TBC1D14: variants seen among roughly 807,000 people sequenced by gnomAD.
TBC1D14 encodes TBC1 domain family, member 14.
In TBC1D14, 26 loss-of-function variants were observed where a neutral mutation model predicts 79.0. The ratio of observed to expected loss-of-function variants is 0.33; its 90% confidence interval spans 0.24 to 0.46. TBC1D14 has a LOEUF of 0.46. Ranked by LOEUF, TBC1D14 falls within the 20% of genes least tolerant of loss-of-function variation. The pLI, the probability that TBC1D14 is intolerant of heterozygous loss-of-function variation, is 1.00. For missense variants in TBC1D14, 769 were observed against 887.6 expected (o/e 0.87, Z 1.70); for synonymous variants, 394 against 349.9 (o/e 1.13, Z -1.40).
chr4:7,030,629 C>T lies in TBC1D14; in HGVS notation c.*237C>T, dbSNP rs1039957402. On this transcript the variant is annotated 3_prime_UTR_variant, in exon 14 of 14. Coordinates refer to ENST00000409757, the MANE Select transcript of TBC1D14 (RefSeq NM_020773.3). ...TGCTGCGGACCACAGCCAGCCACTG[C>T]ATCTGCTGCACAGTTGAACGATGGG... The T allele has an allele frequency of 3.0e-5, 14 of 460,036 alleles. No homozygotes were observed. The highest frequency in any genetic ancestry group is 1.4e-4 in the African/African-American group (7 of 50,674). The allele number at this position is 460,036 out of a possible 1,614,324, so 28.5% of individuals were successfully genotyped here.
At chr4:6,961,051 T>C (rs1310183274) in intron 2 of TBC1D14, among the ~76,000 whole-genome samples, 2 of 152,200 alleles carry the variant, frequency 1.3e-5, no homozygotes, top group Admixed American at 1.3e-4. Flanking sequence ...CTGGGAGCTC[T>C]GCCTTCACAG....
At chr4:6,981,629 C>T (rs574774857) in intron 3 of TBC1D14, among the ~76,000 whole-genome samples, 1 of 152,312 alleles carries the variant, frequency 6.6e-6, no homozygotes, top group East Asian at 1.9e-4. Flanking sequence ...ATTCTCAACA[C>T]AGTATTAACA....
In TBC1D14 at chr4:6,944,118, A is replaced by G. The variant is rs73086426; in HGVS notation, c.722+20007A>G. Among the ~76,000 whole-genome samples, 811 of 152,146 alleles carry G rather than the reference A, an allele frequency of 5.3e-3. 7 individuals carry two copies. Among genetic ancestry groups the G allele is most frequent in the African/African-American group, 0.018 (765 of 41,504 alleles). On this transcript the variant is annotated intron_variant, in intron 2 of 13. Coordinates refer to ENST00000409757, the MANE Select transcript of TBC1D14 (RefSeq NM_020773.3). ...CTCTTTGTTTAAAAATGCGCAGGAA[A>G]ACTTCGGCGTCGTTCTATTTTTGTC...
At chr4:7,020,125 T>G (rs1415552953) in intron 12 of TBC1D14, among the ~76,000 whole-genome samples, 1 of 115,298 alleles carries the variant, frequency 8.7e-6, no homozygotes, top group Admixed American at 9.0e-5. Context: ...GTATGTGAAC[T>G]CCTCTGGCCT....
intron 3 of TBC1D14, among the ~76,000 whole-genome samples, chr4:6,981,150 G>A (rs1238802546): frequency 2.0e-5 from 3 of 150,358 alleles, no homozygotes; most frequent in South Asian, 2.1e-4. Flanking sequence ...TCAGCCACCC[G>A]AGTAGCTGGG....
At chr4:7,023,986 C>A (rs1414604938) in intron 12 of TBC1D14, among the ~76,000 whole-genome samples, 1 of 152,204 alleles carries the variant, frequency 6.6e-6, no homozygotes, top group Non-Finnish European at 1.5e-5. Context: ...GAGGGACAGC[C>A]TGGAACATTC....
chr4:7,014,443 C>T lies in TBC1D14; in HGVS notation c.1648-5C>T. 7 of 1,596,154 alleles carry T rather than the reference C, an allele frequency of 4.4e-6. No homozygotes were observed. The highest frequency in any genetic ancestry group is 6.0e-6 in the Non-Finnish European group (7 of 1,164,346). ...TTCTGAGTAAATTTCATATTATCTC[C>T]CTAGATGTTGACTTATTTTGCTGCA... is the stretch of plus-strand genomic sequence containing the variant. On this transcript the variant is annotated splice_polypyrimidine_tract_variant and splice_region_variant and intron_variant, in intron 11 of 13. Transcript: ENST00000409757.
Position 6,989,112 on chromosome 4 carries a change from C to T in TBC1D14, c.844-5072C>T, listed in dbSNP as rs114063114. On this transcript the variant is annotated intron_variant, in intron 3 of 13. Coordinates refer to ENST00000409757, the MANE Select transcript of TBC1D14 (RefSeq NM_020773.3). ...CTCTTAAAACAAATGTGCATTGAAG[C>T]AGGCTTTTCCCCCGCTTTTTAAACC... 4.2e-3 allele frequency among the ~76,000 whole-genome samples: 634 copies of T among 152,166 alleles called. 5 individuals carry two copies. Among genetic ancestry groups the T allele is most frequent in the African/African-American group, 0.014 (580 of 41,524 alleles).
chr4:6,953,250 C>T (rs1714234702), intron 2 of TBC1D14, among the ~76,000 whole-genome samples: 1 of 146,898 alleles, frequency 6.8e-6, no homozygotes, highest in Admixed American at 6.7e-5. Flanking sequence ...GTCTTGAACT[C>T]CTGACCTCGT....
intron 11 of TBC1D14, among the ~76,000 whole-genome samples, chr4:7,011,717 A>G (rs1175568824): frequency 6.6e-6 from 1 of 151,526 alleles, no homozygotes; most frequent in Non-Finnish European, 1.5e-5. Context: ...CCACCATGCC[A>G]GGCTAATTTT....
intron 12 of TBC1D14, among the ~76,000 whole-genome samples, chr4:7,020,939 A>C (rs1721768488): frequency 6.6e-6 from 1 of 152,190 alleles, no homozygotes; most frequent in African/African-American, 2.4e-5. Context: ...GGGTTGTAAC[A>C]AGGATTCAGA....
chr4:6,932,284 A>T (rs1465713916), intron 2 of TBC1D14, among the ~76,000 whole-genome samples: 1 of 151,396 alleles, frequency 6.6e-6, no homozygotes, highest in Admixed American at 6.6e-5. Context: ...TGCTTGAACC[A>T]TTCGGGCTTG....
chr4:6,974,832 A>T (rs1194147542), intron 3 of TBC1D14, among the ~76,000 whole-genome samples: 1 of 152,170 alleles, frequency 6.6e-6, no homozygotes, highest in East Asian at 1.9e-4. Flanking sequence ...TTAAAAAAAA[A>T]AAATTTCCTC....
At position 6,954,202 on chromosome 4, in the gene TBC1D14, G is replaced by A. The variant is rs899865473; in HGVS notation, c.723-13102G>A. The A allele has an allele frequency of 1.9e-5, 13 of 698,514 alleles. No homozygotes were observed. The Admixed American group carries it at 2.2e-4, about 12-fold the overall frequency. 43.3% of individuals were successfully genotyped at this position (698,514 alleles called of 1,614,324 possible). On this transcript the variant is annotated intron_variant, in intron 2 of 13. Transcript: ENST00000409757. ...GCGGGGCTCCGAGTGCACCCATGGA[G>A]TTTCCCCGGGACTGTGGCTCTGGCG...
chr4:6,937,844 G>C (rs1712491370), intron 2 of TBC1D14, among the ~76,000 whole-genome samples: 1 of 151,864 alleles, frequency 6.6e-6, no homozygotes, highest in African/African-American at 2.4e-5. Context: ...GGAGGGTAGT[G>C]GGGGGTCGTC....
intron 3 of TBC1D14, among the ~76,000 whole-genome samples, chr4:6,968,105 T>C (rs1715867558): frequency 6.6e-6 from 1 of 152,206 alleles, no homozygotes; most frequent in Non-Finnish European, 1.5e-5. Flanking sequence ...AAGAGTCTGC[T>C]GTCTGCCCCA....
intron 7 of TBC1D14, 136 bp downstream of exon 7, chr4:7,001,387 C>T: frequency 4.0e-6 from 3 of 751,136 alleles, no homozygotes. Context: ...CTGTGTCCTT[C>T]AGGAGAGAGG....
At chr4:6,981,672 A>G (rs909950913) in intron 3 of TBC1D14, among the ~76,000 whole-genome samples, 6 of 152,220 alleles carry the variant, frequency 3.9e-5, no homozygotes, top group African/African-American at 1.4e-4. Context: ...AAAAGTTACA[A>G]CCATGACAAA....
chr4:6,992,612 C>T (rs1487609955), intron 3 of TBC1D14, among the ~76,000 whole-genome samples: 3 of 152,238 alleles, frequency 2.0e-5, no homozygotes, highest in Non-Finnish European at 4.4e-5. Context: ...AGATAAGTAG[C>T]ACCTCATGGG....
Sources: allele counts gnomAD v4.1 joint callset (sites outside exome capture counted in the v4.1 genomes callset), GRCh38; gene constraint gnomAD v4.1.1; transcripts MANE v1.5; gene names NCBI Gene and HGNC (gene_info 2026-07-23, HGNC 2026-07-21).